NGEF: variants seen among roughly 807,000 people sequenced by gnomAD.
NGEF encodes neuronal guanine nucleotide exchange factor.
Under a neutral mutation model 80.9 loss-of-function variants are expected in NGEF, and 31 were observed. The observed-to-expected ratio is 0.38, with a 90% CI of 0.29 to 0.52. The LOEUF is 0.52. Among genes scored for constraint, NGEF ranks in the 20% least tolerant of loss-of-function variants. The pLI, the probability that NGEF is intolerant of heterozygous loss-of-function variation, is 0.84. For synonymous variants in NGEF, 371 were observed against 370.2 expected (o/e 1.00, Z -0.03); for missense variants, 709 against 926.2 (o/e 0.77, Z 3.04).
intron 3 of NGEF, among the ~76,000 whole-genome samples, chr2:232,943,020 A>G (rs1317372241): frequency 4.0e-5 from 6 of 148,560 alleles, no homozygotes; most frequent in African/African-American, 1.2e-4. Context: ...TGAAGATTGC[A>G]TGTTAAATTA....
chr2:232,901,522 C>T, intron 5 of NGEF: 1 of 851,344 alleles, frequency 1.2e-6, no homozygotes, highest in African/African-American at 1.8e-5. Context: ...GCTGCGTCAC[C>T]AGGGTGACAT....
At chr2:232,932,424 CA>C (rs1693235967) in intron 3 of NGEF, among the ~76,000 whole-genome samples, 1 of 152,204 alleles carries the variant, frequency 6.6e-6, no homozygotes, top group African/African-American at 2.4e-5. Context: ...CTCGGCCTCC[CA>C]AAGTGCTGGG....
At position 232,954,480 on chromosome 2, in the gene NGEF, T is replaced by C. The variant is rs145791359; in HGVS notation, c.383+15734A>G. ...GTGGCTCACACCTGTAATCCCAGCA[T>C]TTTGGGAGGCTGAGGCAGGCGGATC... On this transcript the variant is annotated intron_variant, in intron 3 of 14. Coordinates refer to ENST00000264051, the MANE Select transcript of NGEF (RefSeq NM_019850.3). Among the ~76,000 whole-genome samples the C allele has an allele frequency of 2.2e-3, 340 of 151,954 alleles. 3 individuals are homozygous for C. Among genetic ancestry groups the C allele is most frequent in the Middle Eastern group, 0.01 (3 of 294 alleles).
intron 3 of NGEF, among the ~76,000 whole-genome samples, chr2:232,929,870 A>G (rs1190531687): frequency 7.2e-5 from 11 of 152,180 alleles, no homozygotes; most frequent in Admixed American, 7.2e-4. Context: ...GTGGGAGGCA[A>G]TTGAATCATG....
At chr2:232,880,148 G>A (rs1691446629) in intron 14 of NGEF, among the ~76,000 whole-genome samples, 1 of 152,224 alleles carries the variant, frequency 6.6e-6, no homozygotes, top group African/African-American at 2.4e-5. Context: ...GCCTCTTGCG[G>A]GGCCGATCCT....
rs931821115 is a variant in NGEF, at chr2:233,013,064, T to C, written c.-75+4A>G. 37 of 466,370 alleles carry C rather than the reference T, an allele frequency of 7.9e-5. No individual in the cohort carries two copies. Among genetic ancestry groups the C allele is most frequent in the African/African-American group, 7.4e-4 (37 of 49,868 alleles). The allele number at this position is 466,370 out of a possible 1,614,324, so 28.9% of individuals were successfully genotyped here. On this transcript the variant is annotated splice_donor_region_variant and intron_variant, in intron 1 of 14. Transcript: ENST00000264051. ...TTTAAAAAATACCAAAACCATTCTCTCACCTGCCAGAGAGGAGCTCATAGG... is the reference window on the plus strand; with the variant it reads ...TTTAAAAAATACCAAAACCATTCTCCCACCTGCCAGAGAGGAGCTCATAGG...
chr2:232,894,741 C>A lies in NGEF; in HGVS notation c.989+15G>T. 4 of 1,527,932 alleles carry A rather than the reference C, an allele frequency of 2.6e-6. No individual in the cohort carries two copies. Among genetic ancestry groups the A allele is most frequent in the African/African-American group, 2.7e-5 (2 of 73,776 alleles). The allele number at this position is 1,527,932 out of a possible 1,614,324, so 94.6% of individuals were successfully genotyped here. A position where few individuals can be genotyped will look rare whatever the true frequency, so the allele number is the denominator to read the frequency against. ...GAAGGGCCCTGAGGGAGGTGGCTGT[C>A]CCCCCCGTCCTCACCGCTCACTGAC... is the stretch of plus-strand genomic sequence containing the variant. On this transcript the variant is annotated intron_variant, in intron 6 of 14. Coordinates refer to ENST00000264051, the MANE Select transcript of NGEF (RefSeq NM_019850.3).
intron 3 of NGEF, among the ~76,000 whole-genome samples, chr2:232,963,404 C>G (rs1443823865): frequency 6.6e-6 from 1 of 151,892 alleles, no homozygotes; most frequent in African/African-American, 2.4e-5. Flanking sequence ...GAAAACGTAG[C>G]AGAGTATCTT....
At chr2:232,974,395 A>G (rs1193591855) in intron 2 of NGEF, among the ~76,000 whole-genome samples, 1 of 152,218 alleles carries the variant, frequency 6.6e-6, no homozygotes, top group Non-Finnish European at 1.5e-5. Context: ...AGTAGAAGCC[A>G]GTCTAATTGT....
intron 1 of NGEF, among the ~76,000 whole-genome samples, chr2:232,983,489 C>A (rs1469765622): frequency 6.6e-6 from 1 of 152,148 alleles, no homozygotes; most frequent in Non-Finnish European, 1.5e-5. Context: ...GCAGGGTTAG[C>A]TGAGAGGTCA....
chr2:232,892,595 T>C lies in NGEF; in HGVS notation c.1142+303A>G, dbSNP rs1251679867. Among the ~76,000 whole-genome samples the C allele has an allele frequency of 1.3e-5, 2 of 152,124 alleles. No homozygotes were observed. Among genetic ancestry groups the C allele is most frequent in the Admixed American group, 6.5e-5 (1 of 15,274 alleles). On this transcript the variant is annotated intron_variant, in intron 7 of 14. Coordinates refer to ENST00000264051, the MANE Select transcript of NGEF (RefSeq NM_019850.3). The surrounding 1 kb of genome is among the most constrained non-coding windows in gnomAD (Gnocchi z 4.0). ...CACATGACCTCACTTGACCTCAAGC[T>C]CTCTTTTCTAACTGCACAGTGCTCT... is the stretch of plus-strand genomic sequence containing the variant.
At chr2:232,929,319 GT>G (rs1294859938) in intron 3 of NGEF, among the ~76,000 whole-genome samples, 2 of 152,252 alleles carry the variant, frequency 1.3e-5, no homozygotes, top group Non-Finnish European at 2.9e-5. Context: ...TCCTTAACCA[GT>G]CTTGAATAAG....
chr2:232,993,232 A>ATT (rs1694710124), intron 1 of NGEF, among the ~76,000 whole-genome samples: 1 of 35,094 alleles, frequency 2.8e-5, no homozygotes, highest in African/African-American at 1.5e-4. Context: ...ACACACATAT[A>ATT]TATGTATATT....
chr2:232,917,956 A>G (rs1692846045), intron 5 of NGEF, among the ~76,000 whole-genome samples: 1 of 150,908 alleles, frequency 6.6e-6, no homozygotes, highest in Non-Finnish European at 1.5e-5. Context: ...TATTTTACTT[A>G]TTTATTTATT....
chr2:232,933,512 C>T (rs1361349953), intron 3 of NGEF, among the ~76,000 whole-genome samples: 1 of 152,214 alleles, frequency 6.6e-6, no homozygotes, highest in African/African-American at 2.4e-5. Context: ...CTTCTCTCTG[C>T]CCCTCTCTGG....
At chr2:232,910,544 G>T (rs1392552492) in intron 5 of NGEF, among the ~76,000 whole-genome samples, 1 of 152,170 alleles carries the variant, frequency 6.6e-6, no homozygotes, top group East Asian at 1.9e-4. Context: ...GAATTGTCCA[G>T]CCCCAAAGTC....
chr2:232,960,499 T>A (rs1487791196), intron 3 of NGEF, among the ~76,000 whole-genome samples: 1 of 151,600 alleles, frequency 6.6e-6, no homozygotes, highest in African/African-American at 2.4e-5. Context: ...AAAGGGGAGG[T>A]CATGGGTGTG....
chr2:233,010,286 C>T (rs1164687385), intron 1 of NGEF, among the ~76,000 whole-genome samples: 1 of 152,212 alleles, frequency 6.6e-6, no homozygotes. Flanking sequence ...TAAAACCCTG[C>T]TGTCCCTTCA....
chr2:232,891,376 G>T lies in NGEF; in HGVS notation c.1254C>A (p.Arg418=). 2 of 1,613,658 alleles carry T rather than the reference G, an allele frequency of 1.2e-6. No homozygotes were observed. Among genetic ancestry groups the T allele is most frequent in the Non-Finnish European group, 1.7e-6 (2 of 1,179,962 alleles). Residue 418 remains arginine, a synonymous_variant, in exon 8 of 15, where the codon CGC becomes CGA. Coordinates refer to ENST00000264051, the MANE Select transcript of NGEF (RefSeq NM_019850.3). ...GCTGTACCTGGACCAACAGCTTGAG[G>T]CGTGTGATCCTCTGGAAAGGCAGGA... The part of the protein sequence containing the change: ...FLILPFQRIT[R]LKLLVQNILK...
Sources: gnomAD v4.1 joint callset for allele counts (sites outside exome capture counted in the v4.1 genomes callset) on GRCh38, gnomAD v4.1.1 for gene constraint, Gnocchi (gnomAD v3.1) non-coding constraint, MANE v1.5 for transcripts, NCBI Gene and HGNC (gene_info 2026-07-23, HGNC 2026-07-21) for gene names.